SLC8A2: variants seen among roughly 807,000 people sequenced by gnomAD.
SLC8A2 encodes sodium/calcium exchanger 2.
Under a neutral mutation model 70.2 loss-of-function variants are expected in SLC8A2, and 14 were observed. The ratio of observed to expected loss-of-function variants is 0.20; its 90% CI spans 0.13 to 0.31. SLC8A2 has a LOEUF of 0.31. SLC8A2 is among the 10% of genes least tolerant of loss of function. The probability of loss-of-function intolerance (pLI) is 1.00; values close to 1 mark genes in which losing one functional copy is unlikely to be tolerated. For missense variants in SLC8A2, 779 were observed against 1,320.1 expected (o/e 0.59, Z 6.35); for synonymous variants, 575 against 594.3 (o/e 0.97, Z 0.47).
chr19:47,454,781 T>G (rs1967283579), intron 3 of SLC8A2, among the ~76,000 whole-genome samples: 3 of 152,000 alleles, frequency 2.0e-5, no homozygotes, highest in African/African-American at 7.2e-5. Context: ...GTGGTGGAAC[T>G]CAAGATCGAT....
Position 47,432,255 on chromosome 19 carries a change from C to T in SLC8A2, c.2301G>A (p.Gly767=), listed in dbSNP as rs201973517. The T allele has an allele frequency of 6.2e-7, 1 of 1,614,122 alleles. No individual in the cohort carries two copies. Residue 767 remains glycine (G), a synonymous_variant, in exon 9 of 10, where the codon GGG becomes GGA. Transcript: ENST00000236877. The surrounding 1 kb of genome is among the most constrained non-coding windows in gnomAD (Gnocchi z 6.2). The part of the protein sequence containing the change: ...LVIGLLTALI[G]DLASHFGCTV... Reference sequence around the variant, plus strand: ...TGCAGCCGAAGTGGGAGGCGAGGTCCCCAATGAGGGCGGTGAGCAGGCCGA... The same window carrying T: ...TGCAGCCGAAGTGGGAGGCGAGGTCTCCAATGAGGGCGGTGAGCAGGCCGA...
At chr19:47,459,560 A>T (rs1294652586) in intron 2 of SLC8A2, among the ~76,000 whole-genome samples, 1 of 149,642 alleles carries the variant, frequency 6.7e-6, no homozygotes, top group Non-Finnish European at 1.5e-5. Context: ...GCGTATGTGC[A>T]TGTGTATATG....
chr19:47,456,794 G>A (rs1181365428), intron 3 of SLC8A2, 136 bp downstream of exon 3: 2 of 940,910 alleles, frequency 2.1e-6, no homozygotes, highest in African/African-American at 3.5e-5. Context: ...CAGGCTCTCA[G>A]GAATGAATGA....
chr19:47,451,005 CTTTT>C lies in SLC8A2; in HGVS notation c.1341-2778_1341-2775del, dbSNP rs71180844. Among the ~76,000 whole-genome samples, 17 of 80,230 alleles carry C rather than the reference CTTTT, an allele frequency of 2.1e-4. No homozygotes were observed. In the East Asian group the frequency reaches 5.0e-3, roughly 24 times the overall value. 52.6% of individuals were successfully genotyped at this position (80,230 alleles called of 152,430 possible). ...TAAAATATGGAGATTGTAGCACTAT[CTTTT>C]TTTTTTTTTTTTTTTTTTTGAGACG... On this transcript the variant is annotated intron_variant, in intron 3 of 9. Coordinates refer to ENST00000236877, the MANE Select transcript of SLC8A2 (RefSeq NM_015063.3).
intron 2 of SLC8A2, among the ~76,000 whole-genome samples, chr19:47,458,127 C>T (rs1273326029): frequency 6.6e-6 from 1 of 152,124 alleles, no homozygotes; most frequent in Non-Finnish European, 1.5e-5. Flanking sequence ...GCTGGGATTA[C>T]AGGCGTGAGC....
chr19:47,460,108 A>C (rs17760109), intron 2 of SLC8A2, among the ~76,000 whole-genome samples: 1 of 151,974 alleles, frequency 6.6e-6, no homozygotes, highest in African/African-American at 2.4e-5. Flanking sequence ...TGTTCACCCA[A>C]ACGCCCTCAG....
Position 47,433,500 on chromosome 19 carries a change from G to C in SLC8A2, c.2111-1055C>G, listed in dbSNP as rs532481470. 3.3e-5 allele frequency among the ~76,000 whole-genome samples: 5 copies of C among 152,342 alleles called. No individual in the cohort carries two copies. In the South Asian group the frequency reaches 1.0e-3, roughly 32 times the overall value. On this transcript the variant is annotated intron_variant, in intron 8 of 9. Coordinates refer to ENST00000236877, the MANE Select transcript of SLC8A2 (RefSeq NM_015063.3). ...TGACTATCTGACCCAGTCTGCCAAT[G>C]AGATATAAACAGAGGGTTTCTGGAA...
chr19:47,435,636 C>T (rs974836108), intron 8 of SLC8A2, among the ~76,000 whole-genome samples: 6 of 151,180 alleles, frequency 4.0e-5, no homozygotes, highest in African/African-American at 1.5e-4. Context: ...GCAACCTCTG[C>T]CTCCCAGGTT....
At position 47,452,445 on chromosome 19, in the gene SLC8A2, A is replaced by AGTGTGT. The variant is rs1158828688; in HGVS notation, c.1341-4220_1341-4215dup. On this transcript the variant is annotated intron_variant, in intron 3 of 9. Transcript: ENST00000236877. ...GAGAGAGAGAGAGAGAGAGAGAGAG[A>AGTGTGT]GTGTGTGTGTGTGTGTGTGTGTGTG... Among the ~76,000 whole-genome samples the AGTGTGT allele has an allele frequency of 1.4e-3, 75 of 54,096 alleles. 1 individual carries two copies. Among genetic ancestry groups the AGTGTGT allele is most frequent in the African/African-American group, 6.3e-3 (69 of 10,988 alleles). The allele number at this position is 54,096 out of a possible 152,430, so 35.5% of individuals were successfully genotyped here.
chr19:47,446,243 A>G (rs830143), intron 4 of SLC8A2, among the ~76,000 whole-genome samples: 116,220 of 147,542 alleles, frequency 0.79, 46,076 homozygotes, highest in Middle Eastern at 0.89. Context: ...GGGGCGGAAG[A>G]GAGCGGGCAG....
At chr19:47,452,441 AGAGAGTGTGTGTGTGTGT>A (rs1967253575) in intron 3 of SLC8A2, among the ~76,000 whole-genome samples, 1 of 65,170 alleles carries the variant, frequency 1.5e-5, no homozygotes, top group Admixed American at 1.9e-4. Flanking sequence ...AGAGAGAGAG[AGAGAGTGTGTGTGTGTGT>A]GTGTGTGTGT....
intron 1 of SLC8A2, among the ~76,000 whole-genome samples, chr19:47,467,762 G>A (rs1014109695): frequency 1.1e-4 from 16 of 151,242 alleles, no homozygotes; most frequent in African/African-American, 3.6e-4. Flanking sequence ...AGGCTGAGGC[G>A]GGTGGATCAC....
chr19:47,447,614 G>T lies in SLC8A2; in HGVS notation c.1763+195C>A, dbSNP rs59784842. 2.3e-5 allele frequency: 9 copies of T among 395,350 alleles called. No individual in the cohort carries two copies. Among genetic ancestry groups the T allele is most frequent in the Non-Finnish European group, 4.0e-5 (9 of 225,968 alleles). 24.5% of individuals were successfully genotyped at this position (395,350 alleles called of 1,614,324 possible). ...GGGCCCAGCTGTTCAGTGAAGCCCC[G>T]CCCACGTCGTGGGCATGGGTCACAG... On this transcript the variant is annotated intron_variant, in intron 4 of 9. Coordinates refer to ENST00000236877, the MANE Select transcript of SLC8A2 (RefSeq NM_015063.3). The surrounding 1 kb of genome is among the most constrained non-coding windows in gnomAD (Gnocchi z 5.1).
chr19:47,457,054 G>T lies in SLC8A2; in HGVS notation c.1216C>A (p.Leu406Met), dbSNP rs773704799. 1.9e-6 allele frequency: 3 copies of T among 1,604,326 alleles called. No homozygotes were observed. The highest frequency in any genetic ancestry group is 2.6e-6 in the Non-Finnish European group (3 of 1,175,690). Residue 406 changes from leucine (L) to methionine (M), a missense_variant, in exon 3 of 10, where the codon CTG becomes ATG. Leu to Met is a conservative substitution (Grantham distance 15, BLOSUM62 2). Transcript: ENST00000236877. ...AGCAGCACGGAGCCGCAGTTCTCCA[G>T]GCAGTGGTAGAGGCTAGGCTCGAAG... The part of the protein sequence containing the change: ...IFFEPSLYHC[L>M]ENCGSVLLSV...
chr19:47,440,694 C>T (rs7259399), intron 6 of SLC8A2, among the ~76,000 whole-genome samples: 23,033 of 151,986 alleles, frequency 0.15, 3,143 homozygotes, highest in African/African-American at 0.35. Flanking sequence ...CGGGTTCGAG[C>T]GATTCTCCTG....
At chr19:47,441,800 A>C (rs566313637) in intron 4 of SLC8A2, among the ~76,000 whole-genome samples, 1 of 152,142 alleles carries the variant, frequency 6.6e-6, no homozygotes, top group South Asian at 2.1e-4. Context: ...TATTTATATT[A>C]AATAATTTAT....
chr19:47,457,230 T>C lies in SLC8A2; in HGVS notation c.1040A>G (p.Gln347Arg). The C allele has an allele frequency of 6.5e-7, 1 of 1,546,682 alleles. No homozygotes were observed. Among genetic ancestry groups the C allele is most frequent in the Non-Finnish European group, 8.7e-7 (1 of 1,145,626 alleles). Residue 347 changes from glutamine to arginine, a missense_variant, in exon 3 of 10, where the codon CAG becomes CGG. Gln to Arg is a conservative substitution (Grantham distance 43). Around this residue, in one of 6 missense-constraint regions of SLC8A2, gnomAD observed 186 missense variants for 246.6 expected, o/e 0.75. Coordinates refer to ENST00000236877, the MANE Select transcript of SLC8A2 (RefSeq NM_015063.3). ...IANYYALLHQ[Q>R]KSRAFYRIQA... ...GATGCGGTAGAAGGCGCGGCTCTTC[T>C]GCTGGTGCAGCAGCGCGTAGTAGTT... is the stretch of plus-strand genomic sequence containing the variant.
rs1278920719 is a variant in SLC8A2 at position 47,430,329 on chromosome 19, C to T, written c.2526G>A (p.Ala842=). Residue 842 remains alanine, a synonymous_variant, in exon 10 of 10, where the codon GCG becomes GCA. Transcript: ENST00000236877. The surrounding 1 kb of genome is among the most constrained non-coding windows in gnomAD (Gnocchi z 5.9). ...GCACCTCGAAGGGGCGGCCCTGCAC[C>T]GCCCAGTACACGGCGGCCACAGACC... ...VAWSVAAVYW[A]VQGRPFEVRT... is the part of the protein sequence containing the mutation. The T allele has an allele frequency of 1.9e-6, 3 of 1,612,268 alleles. No individual in the cohort carries two copies. The highest frequency in any genetic ancestry group is 2.5e-6 in the Non-Finnish European group (3 of 1,179,358).
At chr19:47,470,849 C>T (rs1599863042) in intron 1 of SLC8A2, among the ~76,000 whole-genome samples, 1 of 151,904 alleles carries the variant, frequency 6.6e-6, no homozygotes, top group Non-Finnish European at 1.5e-5. Context: ...GCTCGGTCCT[C>T]AGGGGAGAGC....
Sources: allele counts gnomAD v4.1 joint callset (sites outside exome capture counted in the v4.1 genomes callset), GRCh38; gene constraint gnomAD v4.1.1; regional missense constraint gnomAD v4.1.1; non-coding constraint Gnocchi (gnomAD v3.1); transcripts MANE v1.5; gene names NCBI Gene and HGNC (gene_info 2026-07-23, HGNC 2026-07-21).